The following STK33 variants were observed in gnomAD, a reference collection of about 807,000 sequenced individuals.
The protein encoded by STK33 is serine/threonine kinase 33, also known as serine/threonine-protein kinase 33.
Under a neutral mutation model 58.0 loss-of-function variants are expected in STK33, and 52 were observed. The observed-to-expected ratio is 0.90, with a 90% CI of 0.72 to 1.13. The LOEUF is 1.13. Ranked by LOEUF, STK33 falls within the 50% of genes most tolerant of loss-of-function variation. The pLI, the probability that STK33 is intolerant of heterozygous loss-of-function variation, is 0.00. For missense variants in STK33, 630 were observed against 604.2 expected (o/e 1.04, Z -0.45); for synonymous variants, 215 against 200.1 (o/e 1.07, Z -0.63).
chr11:8,425,622 G>A (rs1407595773), intron 14 of STK33, among the ~76,000 whole-genome samples: 1 of 151,980 alleles, frequency 6.6e-6, no homozygotes. Flanking sequence ...TTCCATTTTT[G>A]TGTTTCAATA....
chr11:8,450,823 T>C (rs886602543), intron 11 of STK33, among the ~76,000 whole-genome samples: 3 of 152,156 alleles, frequency 2.0e-5, no homozygotes, highest in African/African-American at 7.2e-5. Context: ...CATTCTAAAA[T>C]TGATTATGTA....
the STK33 span, among the ~76,000 whole-genome samples, chr11:8,349,979 T>C: frequency 3.3e-5 from 5 of 152,270 alleles, no homozygotes; most frequent in Non-Finnish European, 7.3e-5. Context: ...GCTGCGATCA[T>C]GCACAGGTTA....
intron 1 of STK33, among the ~76,000 whole-genome samples, chr11:8,513,089 C>A (rs986190269): frequency 2.2e-4 from 33 of 152,130 alleles, no homozygotes; most frequent in African/African-American, 8.0e-4. Context: ...AATAATGATG[C>A]ATATAAGTTG....
chr11:8,444,921 G>C (rs1945230557), intron 11 of STK33, among the ~76,000 whole-genome samples: 1 of 152,102 alleles, frequency 6.6e-6, no homozygotes, highest in South Asian at 2.1e-4. Flanking sequence ...TTCCAATTCT[G>C]TGAAGAAAGC....
the STK33 span, among the ~76,000 whole-genome samples, chr11:8,370,632 G>T: frequency 2.0e-5 from 3 of 152,164 alleles, no homozygotes. Context: ...TCCAACAGGG[G>T]ACCTCAGTGG....
At chr11:8,403,263 T>C (rs1322182601) in intron 15 of STK33, among the ~76,000 whole-genome samples, 1 of 152,006 alleles carries the variant, frequency 6.6e-6, no homozygotes, top group Non-Finnish European at 1.5e-5. Context: ...ATTTTAGAAA[T>C]CAAAGAAAAA....
rs1039094895 is a variant in STK33, at chr11:8,430,562, G to A, written c.1146+4932C>T. Among the ~76,000 whole-genome samples the A allele has an allele frequency of 5.3e-5, 8 of 152,104 alleles. No homozygotes were observed. In the East Asian group the frequency reaches 1.5e-3, roughly 29 times the overall value. On this transcript the variant is annotated intron_variant, in intron 14 of 15. Coordinates refer to ENST00000687296, the MANE Select transcript of STK33 (RefSeq NM_001352389.2). ...TTAAGAAAGTTTACAAGTTTGTGCT[G>A]GGCTGTGGGTTGGATAAGCTTGCTT...
chr11:8,478,895 T>C (rs775517909), intron 2 of STK33, among the ~76,000 whole-genome samples: 5 of 152,200 alleles, frequency 3.3e-5, no homozygotes, highest in Non-Finnish European at 5.9e-5. Flanking sequence ...CTAGCACTTG[T>C]TTATTCTTTT....
chr11:8,457,561 C>T (rs1947025741), intron 8 of STK33, 82 bp from the exon 9 acceptor site: 1 of 1,169,046 alleles, frequency 8.6e-7, no homozygotes, highest in Non-Finnish European at 1.2e-6. Context: ...CATATACAAT[C>T]ACAGTCATAA....
intron 1 of STK33, among the ~76,000 whole-genome samples, chr11:8,566,837 TA>T (rs969691547): frequency 2.6e-5 from 4 of 152,216 alleles, no homozygotes; most frequent in African/African-American, 9.7e-5. Flanking sequence ...CTCAGGACTT[TA>T]ATACAGTTAT....
At chr11:8,578,460 C>A (rs989808579) in intron 1 of STK33, among the ~76,000 whole-genome samples, 1 of 151,894 alleles carries the variant, frequency 6.6e-6, no homozygotes, top group Non-Finnish European at 1.5e-5. Flanking sequence ...TCAACTGCAA[C>A]AATATCTAAG....
In STK33 at chr11:8,392,285, C is replaced by T. The variant is rs1035934908; in HGVS notation, c.*225G>A. On this transcript the variant is annotated 3_prime_UTR_variant, in exon 16 of 16. Transcript: ENST00000687296. ...ATCTTGAGTTGATTTCCACTGCAGC[C>T]CACTGCCAAGCCTACTGGTGGCTGT... 23 of 567,576 alleles carry T rather than the reference C, an allele frequency of 4.1e-5. No individual in the cohort carries two copies. Among genetic ancestry groups the T allele is most frequent in the Non-Finnish European group, 6.8e-5 (22 of 322,352 alleles). 35.2% of individuals were successfully genotyped at this position (567,576 alleles called of 1,614,324 possible). A position where few individuals can be genotyped will look rare whatever the true frequency, so the allele number is the denominator to read the frequency against.
At chr11:8,477,401 C>T (rs1397070117) in intron 2 of STK33, 118 bp from the exon 3 acceptor site, 2 of 152,138 alleles carry the variant, frequency 1.3e-5, no homozygotes, top group African/African-American at 4.8e-5. Context: ...ATAGTGCTTT[C>T]TCTCTGAGGT....
Position 8,554,653 on chromosome 11 carries a change from G to A in STK33, c.-466+39430C>T, listed in dbSNP as rs879680842. 7.2e-5 allele frequency among the ~76,000 whole-genome samples: 11 copies of A among 152,162 alleles called. No homozygotes were observed. In the East Asian group the frequency reaches 1.5e-3, roughly 21 times the overall value. On this transcript the variant is annotated intron_variant, in intron 1 of 15. Transcript: ENST00000687296. ...GAAAGGGAATACTTGTACACTGTTA[G>A]TAGGGATGTAAATTAGTACAGCTAT...
chr11:8,386,777 G>C, the STK33 span, among the ~76,000 whole-genome samples: 1 of 152,214 alleles, frequency 6.6e-6, no homozygotes, highest in Non-Finnish European at 1.5e-5. Context: ...TGCAGGATGG[G>C]GAGGTGGACT....
chr11:8,560,685 T>C (rs1957060974), intron 1 of STK33, among the ~76,000 whole-genome samples: 2 of 152,184 alleles, frequency 1.3e-5, no homozygotes, highest in African/African-American at 4.8e-5. Context: ...AAAATAATAA[T>C]AAACAATTGG....
chr11:8,490,864 A>G (rs1950559133), intron 1 of STK33, among the ~76,000 whole-genome samples: 1 of 152,208 alleles, frequency 6.6e-6, no homozygotes, highest in Non-Finnish European at 1.5e-5. Flanking sequence ...TGTTAAAAGG[A>G]AAACCAACAA....
chr11:8,565,517 T>C (rs897127540), intron 1 of STK33, among the ~76,000 whole-genome samples: 1 of 152,122 alleles, frequency 6.6e-6, no homozygotes, highest in African/African-American at 2.4e-5. Flanking sequence ...TTACAAGTTC[T>C]ACGACTGAAG....
the STK33 span, among the ~76,000 whole-genome samples, chr11:8,363,864 C>T: frequency 6.6e-6 from 1 of 152,194 alleles, no homozygotes; most frequent in African/African-American, 2.4e-5. Context: ...CAATTTTAGA[C>T]ATCAGAGACA....
Sources: gnomAD v4.1 joint callset for allele counts (sites outside exome capture counted in the v4.1 genomes callset) on GRCh38, gnomAD v4.1.1 for gene constraint, MANE v1.5 for transcripts, NCBI Gene and HGNC (gene_info 2026-07-23, HGNC 2026-07-21) for gene names.